The following SNRPB2 variants were observed in gnomAD, a reference collection of about 807,000 sequenced individuals.
SNRPB2 encodes small nuclear ribonucleoprotein polypeptide B2.
Under a neutral mutation model 26.3 loss-of-function variants are expected in SNRPB2, and 16 were observed. That is an observed-to-expected ratio of 0.61 (90% CI 0.41 to 0.92). The LOEUF is 0.92. SNRPB2 is among the 40% of genes least tolerant of loss of function. SNRPB2 has a pLI of 0.00. For missense variants in SNRPB2, 179 were observed against 268.1 expected, an observed-to-expected ratio of 0.67 and a Z score of 2.32; for synonymous variants, 75 against 89.0, an observed-to-expected ratio of 0.84 and a Z score of 0.88.
intron 2 of SNRPB2, 149 bp downstream of exon 2, chr20:16,731,915 T>C: frequency 7.8e-7 from 1 of 1,280,518 alleles, no homozygotes; most frequent in Non-Finnish European, 1.1e-6. Context: ...TTGAAGGCTT[T>C]TAAAAAACAA....
intron 4 of SNRPB2, among the ~76,000 whole-genome samples, chr20:16,738,587 C>T: frequency 6.6e-6 from 1 of 151,654 alleles, no homozygotes; most frequent in East Asian, 1.9e-4. Context: ...TTATATATTT[C>T]TCCATAATTT....
At chr20:16,738,051 AG>A (rs2072439123) in intron 4 of SNRPB2, among the ~76,000 whole-genome samples, 1 of 135,604 alleles carries the variant, frequency 7.4e-6, no homozygotes, top group Non-Finnish European at 1.6e-5. Context: ...AAAAAAAAAA[AG>A]AAAAAAAAAA....
chr20:16,737,179 C>A, intron 3 of SNRPB2, 82 bp from the exon 4 acceptor site: 1 of 1,115,296 alleles, frequency 9.0e-7, no homozygotes, highest in Non-Finnish European at 1.3e-6. Context: ...AGTGTATTTG[C>A]GTAATGAAAT....
chr20:16,735,443 G>A (rs1009000552), intron 3 of SNRPB2, among the ~76,000 whole-genome samples: 2 of 151,978 alleles, frequency 1.3e-5, no homozygotes, highest in Admixed American at 6.6e-5. Context: ...CCTAGATAAC[G>A]GTTTAACTTA....
rs777108617 is a variant in SNRPB2, at chr20:16,741,718, A to C, written c.*713A>C. The C allele has an allele frequency of 6.6e-6, 1 of 152,200 alleles. No individual in the cohort carries two copies. Among genetic ancestry groups the C allele is most frequent in the Non-Finnish European group, 1.5e-5 (1 of 68,022 alleles). 9.4% of individuals were successfully genotyped at this position (152,200 alleles called of 1,614,324 possible). ...CTCCAGGGTAAAAATTTTTTGATCT[A>C]TAGTCTCTTTTCCCCCTTAAGACAA... On this transcript the variant is annotated 3_prime_UTR_variant, in exon 7 of 7. Transcript: ENST00000246071.
In SNRPB2 at chr20:16,740,408, T is replaced by A. The variant is rs1183826435; in HGVS notation, c.513T>A (p.Phe171Leu). 1 of 1,611,304 alleles carries A rather than the reference T, an allele frequency of 6.2e-7. No homozygotes were observed. The highest frequency in any genetic ancestry group is 8.5e-7 in the Non-Finnish European group (1 of 1,178,736). ...ETNEMMLSML[F>L]NQFPGFKEVR... Reference sequence around the variant, plus strand: ...ATGAGATGATGTTATCCATGCTGTTTAATCAGTAAGTTTTTTCATAAATAA... The same window carrying A: ...ATGAGATGATGTTATCCATGCTGTTAAATCAGTAAGTTTTTTCATAAATAA... Residue 171 changes from phenylalanine to leucine, a missense_variant, in exon 6 of 7, where the codon TTT becomes TTA. Around this residue, in one of 2 missense-constraint regions of SNRPB2, gnomAD observed 34 missense variants for 87.4 expected, o/e 0.39. Coordinates refer to ENST00000246071, the MANE Select transcript of SNRPB2 (RefSeq NM_003092.5).
chr20:16,738,379 G>A (rs985438900), intron 4 of SNRPB2, among the ~76,000 whole-genome samples: 1 of 149,356 alleles, frequency 6.7e-6, no homozygotes, highest in Admixed American at 6.8e-5. Context: ...GGAGGCAGAG[G>A]TTGCATTGAG....
Position 16,737,269 on chromosome 20 carries a change from G to A in SNRPB2, c.246G>A (p.Gln82=), listed in dbSNP as rs758931298. 5.0e-6 allele frequency: 8 copies of A among 1,590,808 alleles called. No homozygotes were observed. The highest frequency in any genetic ancestry group is 1.2e-5 in the South Asian group (1 of 85,368). Residue 82 remains glutamine (Q), a synonymous_variant, in exon 4 of 7, where the codon CAG becomes CAA. Coordinates refer to ENST00000246071, the MANE Select transcript of SNRPB2 (RefSeq NM_003092.5). The part of the protein sequence containing the change: ...FPFYGKPMRI[Q]YAKTDSDIIS... ...TCAAATAATTAAAACAGCGAATACA[G>A]TATGCAAAAACAGATTCGGATATAA...
intron 3 of SNRPB2, among the ~76,000 whole-genome samples, chr20:16,736,915 G>A (rs1292387935): frequency 6.6e-6 from 1 of 152,198 alleles, no homozygotes; most frequent in Admixed American, 6.5e-5. Context: ...AAGCCCGCTG[G>A]TGGAGCCCAC....
intron 1 of SNRPB2, among the ~76,000 whole-genome samples, chr20:16,731,378 G>T (rs528528634): frequency 2.9e-4 from 44 of 152,196 alleles, no homozygotes; most frequent in Non-Finnish European, 5.3e-4. Flanking sequence ...GAGGTGGAAA[G>T]AAAATGTCAC....
Position 16,741,249 on chromosome 20 carries a change from C to T in SNRPB2, c.*244C>T. 3.3e-6 allele frequency: 1 copy of T among 304,132 alleles called. No individual in the cohort carries two copies. Among genetic ancestry groups the T allele is most frequent in the South Asian group, 9.8e-5 (1 of 10,220 alleles). 18.8% of individuals were successfully genotyped at this position (304,132 alleles called of 1,614,324 possible). On this transcript the variant is annotated 3_prime_UTR_variant, in exon 7 of 7. Transcript: ENST00000246071. ...AATGCTTTCTTGATTGACCCATCTC[C>T]CTATCATCAAATGACTTCTAGTCTA...
intron 3 of SNRPB2, among the ~76,000 whole-genome samples, chr20:16,735,475 T>A (rs2072419372): frequency 6.6e-6 from 1 of 152,180 alleles, no homozygotes; most frequent in Non-Finnish European, 1.5e-5. Flanking sequence ...TTCAGACAGT[T>A]CATTGGCGCT....
At chr20:16,738,792 A>G (rs754390818) in intron 4 of SNRPB2, 60 bp from the exon 5 acceptor site, 3 of 886,362 alleles carry the variant, frequency 3.4e-6, no homozygotes, top group Non-Finnish European at 5.7e-6. Flanking sequence ...ATAAATATAA[A>G]TACCTGCTGC....
chr20:16,733,936 C>A (rs1257417911), intron 3 of SNRPB2, among the ~76,000 whole-genome samples: 1 of 152,106 alleles, frequency 6.6e-6, no homozygotes, highest in East Asian at 1.9e-4. Context: ...TGAAACCAGG[C>A]GGTCTCTCAT....
At chr20:16,740,249 T>C (rs968513835) in intron 5 of SNRPB2, 76 bp from the exon 6 acceptor site, 3 of 1,580,894 alleles carry the variant, frequency 1.9e-6, no homozygotes, top group African/African-American at 1.4e-5. Context: ...TTGTTTGATA[T>C]AGTAAGATTT....
At position 16,737,314 on chromosome 20, in the gene SNRPB2, T is replaced by C. The variant is rs774050770; in HGVS notation, c.291T>C (p.Thr97=). 4.4e-6 allele frequency: 7 copies of C among 1,607,004 alleles called. No individual in the cohort carries two copies. Among genetic ancestry groups the C allele is most frequent in the Admixed American group, 1.7e-5 (1 of 58,602 alleles). The stretch of plus-strand genomic sequence containing the variant: ...ATATAATATCAAAAATGCGTGGAAC[T>C]TTTGCTGACAAAGAAAAGAAAAAAG... The part of the protein sequence containing the change: ...DSDIISKMRG[T]FADKEKKKEK... The change falls in exon 4 of 7, where the codon ACT becomes ACC. Residue 97 remains threonine (T), a synonymous_variant. Coordinates refer to ENST00000246071, the MANE Select transcript of SNRPB2 (RefSeq NM_003092.5).
intron 3 of SNRPB2, among the ~76,000 whole-genome samples, chr20:16,736,305 G>T (rs1387506599): frequency 6.6e-6 from 1 of 152,112 alleles, no homozygotes; most frequent in Non-Finnish European, 1.5e-5. Context: ...TGGAAGAGGA[G>T]GGGTGGGGTA....
intron 3 of SNRPB2, among the ~76,000 whole-genome samples, chr20:16,735,056 C>T (rs2072416493): frequency 6.6e-6 from 1 of 152,136 alleles, no homozygotes; most frequent in African/African-American, 2.4e-5. Flanking sequence ...GGTACGGCAG[C>T]CCAGACCAGC....
chr20:16,735,943 T>A (rs929553823), intron 3 of SNRPB2, among the ~76,000 whole-genome samples: 1 of 152,260 alleles, frequency 6.6e-6, no homozygotes, highest in Non-Finnish European at 1.5e-5. Context: ...GCGACACATG[T>A]CAATGCTTCT....
Sources: gnomAD v4.1 joint callset for allele counts (sites outside exome capture counted in the v4.1 genomes callset) on GRCh38, gnomAD v4.1.1 for gene constraint, gnomAD v4.1.1 regional missense constraint, MANE v1.5 for transcripts, NCBI Gene and HGNC (gene_info 2026-07-23, HGNC 2026-07-21) for gene names.